FBXO10: variants seen among roughly 807,000 people sequenced by gnomAD.
FBXO10 encodes the protein F-box protein 10, also known as F-box only protein 10.
In FBXO10, 39 loss-of-function variants were observed where a neutral mutation model predicts 80.7. That is an observed-to-expected ratio of 0.48 (90% CI 0.37 to 0.63). The LOEUF (loss-of-function observed/expected upper bound fraction) is 0.63, where lower values mean the gene tolerates loss of function less well. Ranked by LOEUF, FBXO10 falls within the 30% of genes least tolerant of loss-of-function variation. The pLI, the probability that FBXO10 is intolerant of heterozygous loss-of-function variation, is 0.00. For missense variants in FBXO10, 1,025 were observed against 1,269.0 expected, an observed-to-expected ratio of 0.81 and a Z score of 2.92; for synonymous variants, 449 against 489.6, an observed-to-expected ratio of 0.92 and a Z score of 1.09.
chr9:37,567,979 T>G lies in FBXO10; in HGVS notation c.-7+8232A>C, dbSNP rs561309314. On this transcript the variant is annotated intron_variant, in intron 1 of 10. Coordinates refer to ENST00000432825, the MANE Select transcript of FBXO10 (RefSeq NM_012166.3). ...CTTGACCCAAAGAAGACAGTAAGAA[T>G]CCCCCATCCTCTTGCAAGGAATGGG... is the stretch of plus-strand genomic sequence containing the variant. Among the ~76,000 whole-genome samples, 20 of 151,992 alleles carry G rather than the reference T, an allele frequency of 1.3e-4. No homozygotes were observed. The East Asian group carries it at 3.3e-3, about 25-fold the overall frequency.
chr9:37,516,435 C>T (rs1318384025), intron 9 of FBXO10, among the ~76,000 whole-genome samples: 1 of 152,222 alleles, frequency 6.6e-6, no homozygotes, highest in South Asian at 2.1e-4. Flanking sequence ...CTCTCCCTTC[C>T]TCTGCTCCCA....
At chr9:37,517,063 C>T (rs2119048967) in intron 9 of FBXO10, among the ~76,000 whole-genome samples, 1 of 151,940 alleles carries the variant, frequency 6.6e-6, no homozygotes, top group South Asian at 2.1e-4. Flanking sequence ...TTTGGATGGA[C>T]TTGGAGGCCA....
chr9:37,563,139 T>C (rs1296046319), intron 1 of FBXO10, among the ~76,000 whole-genome samples: 1 of 152,168 alleles, frequency 6.6e-6, no homozygotes, highest in Non-Finnish European at 1.5e-5. Flanking sequence ...CCATCTGGCA[T>C]TTCCCCTGCT....
chr9:37,567,979 TCCCCCA>T, intron 1 of FBXO10, among the ~76,000 whole-genome samples: 1 of 151,874 alleles, frequency 6.6e-6, no homozygotes, highest in South Asian at 2.1e-4. Flanking sequence ...ACAGTAAGAA[TCCCCCA>T]TCCTCTTGCA....
intron 2 of FBXO10, among the ~76,000 whole-genome samples, chr9:37,539,520 T>C (rs1409859407): frequency 6.6e-6 from 1 of 152,266 alleles, no homozygotes; most frequent in Non-Finnish European, 1.5e-5. Flanking sequence ...TGAGGATCTA[T>C]GACTATACTT....
At chr9:37,559,980 C>T (rs976697105) in intron 1 of FBXO10, among the ~76,000 whole-genome samples, 36 of 152,290 alleles carry the variant, frequency 2.4e-4, no homozygotes, top group African/African-American at 7.9e-4. Flanking sequence ...ATAAAGCCCT[C>T]GGACACCTTG....
intron 1 of FBXO10, among the ~76,000 whole-genome samples, chr9:37,548,866 T>C (rs147573685): frequency 1.3e-5 from 2 of 152,148 alleles, no homozygotes; most frequent in Admixed American, 1.3e-4. Flanking sequence ...CTCCTGCCTC[T>C]GCCTCCCAGG....
Position 37,537,325 on chromosome 9 carries a change from G to A in FBXO10, c.1204C>T (p.Pro402Ser). 6.2e-7 allele frequency: 1 copy of A among 1,609,316 alleles called. No individual in the cohort carries two copies. Among genetic ancestry groups the A allele is most frequent in the Middle Eastern group, 1.7e-4 (1 of 6,060 alleles). ...PPLPGASIQLPSCLVLNSLQQ... is the reference protein window; with the variant it reads ...PPLPGASIQLSSCLVLNSLQQ... ...AGTGAGTTCAGCACTAGGCAGCTGG[G>A]CAGCTGAATGGATGCTCCTGGTAGA... The change falls in exon 3 of 11, where the codon CCC becomes TCC. Residue 402 changes from proline (P) to serine (S), a missense_variant. By Grantham distance (74) the Pro-to-Ser change is moderately conservative. Around this residue, in one of 3 missense-constraint regions of FBXO10, gnomAD observed 478 missense variants for 667.8 expected, o/e 0.72. Transcript: ENST00000432825.
At chr9:37,569,721 G>A (rs2119199128) in intron 1 of FBXO10, among the ~76,000 whole-genome samples, 1 of 152,282 alleles carries the variant, frequency 6.6e-6, no homozygotes, top group Admixed American at 6.5e-5. Context: ...AGTCCTTCCA[G>A]CTACCTGGGG....
intron 8 of FBXO10, 150 bp from the exon 9 acceptor site, chr9:37,518,588 G>A (rs1185970277): frequency 1.4e-5 from 9 of 662,302 alleles, no homozygotes; most frequent in South Asian, 4.3e-5. Context: ...TTGAGTTTGC[G>A]TCTTCCAAGC....
In FBXO10 at chr9:37,537,361, G is replaced by A; in HGVS notation, c.1168C>T (p.Leu390=). 1.9e-6 allele frequency: 3 copies of A among 1,599,530 alleles called. No homozygotes were observed. Among genetic ancestry groups the A allele is most frequent in the South Asian group, 1.1e-5 (1 of 89,586 alleles). The change falls in exon 3 of 11, where the codon CTG becomes TTG. Residue 390 remains leucine (L), a synonymous_variant. Transcript: ENST00000432825. ...GATGCTCCTGGTAGAGGTGGGCCCAGAAATGAGCCCCCCAATACAGGGCGT... is the reference window on the plus strand; with the variant it reads ...GATGCTCCTGGTAGAGGTGGGCCCAAAAATGAGCCCCCCAATACAGGGCGT... ...GPRPVLGGSF[L]GPPLPGASIQ...
At chr9:37,555,621 T>G in intron 1 of FBXO10, among the ~76,000 whole-genome samples, 1 of 152,202 alleles carries the variant, frequency 6.6e-6, no homozygotes. Context: ...CCACAGGTGA[T>G]CCACCCACCT....
chr9:37,550,889 G>A, intron 1 of FBXO10, among the ~76,000 whole-genome samples: 1 of 152,164 alleles, frequency 6.6e-6, no homozygotes, highest in South Asian at 2.1e-4. Context: ...GCCCCAAAAA[G>A]TCTTAACTTG....
intron 1 of FBXO10, among the ~76,000 whole-genome samples, chr9:37,570,114 C>T (rs776774972): frequency 3.9e-5 from 6 of 152,032 alleles, no homozygotes; most frequent in Admixed American, 1.3e-4. Context: ...GTTCGAGACC[C>T]GCCTGAGCAA....
chr9:37,517,539 A>T (rs1396451846), intron 9 of FBXO10, among the ~76,000 whole-genome samples: 1 of 152,152 alleles, frequency 6.6e-6, no homozygotes, highest in Non-Finnish European at 1.5e-5. Flanking sequence ...TGTGAGGACC[A>T]AGCCCTGTGG....
rs1165267428 is a variant in FBXO10, at chr9:37,512,728, G to A, written c.2697-7C>T. 6.2e-6 allele frequency: 10 copies of A among 1,611,642 alleles called. No individual in the cohort carries two copies. Among genetic ancestry groups the A allele is most frequent in the African/African-American group, 1.3e-5 (1 of 74,912 alleles). ...CAGGCGCCACGTATCAGACCTGGAG[G>A]TGCAAAACGAAAGTCAGTGAACTTC... On this transcript the variant is annotated splice_region_variant and splice_polypyrimidine_tract_variant and intron_variant, in intron 10 of 10. Coordinates refer to ENST00000432825, the MANE Select transcript of FBXO10 (RefSeq NM_012166.3).
At chr9:37,572,528 C>T (rs1051105664) in intron 1 of FBXO10, among the ~76,000 whole-genome samples, 4 of 152,088 alleles carry the variant, frequency 2.6e-5, no homozygotes, top group Non-Finnish European at 5.9e-5. Flanking sequence ...ATGCATCTCA[C>T]AAACAAGTTG....
intron 1 of FBXO10, among the ~76,000 whole-genome samples, chr9:37,551,973 CAG>C (rs999896305): frequency 6.6e-6 from 1 of 152,236 alleles, no homozygotes; most frequent in African/African-American, 2.4e-5. Context: ...CTGCCTTCTA[CAG>C]AGTCCTAGGA....
rs186617545 is a variant in FBXO10 at position 37,552,479 on chromosome 9, C to G, written c.-6-10705G>C. ...CAGGAGGATCACGAGGTCAGGAGAT[C>G]GAGACCATCCTGGCTGACACGGTGA... is the stretch of plus-strand genomic sequence containing the variant. On this transcript the variant is annotated intron_variant, in intron 1 of 10. Coordinates refer to ENST00000432825, the MANE Select transcript of FBXO10 (RefSeq NM_012166.3). Among the ~76,000 whole-genome samples the G allele has an allele frequency of 3.9e-5, 6 of 152,122 alleles. No individual in the cohort carries two copies. In the East Asian group the frequency reaches 1.2e-3, roughly 29 times the overall value.
Sources: allele counts gnomAD v4.1 joint callset (sites outside exome capture counted in the v4.1 genomes callset), GRCh38; gene constraint gnomAD v4.1.1; regional missense constraint gnomAD v4.1.1; transcripts MANE v1.5; gene names NCBI Gene and HGNC (gene_info 2026-07-23, HGNC 2026-07-21).